TAFA1: variants seen among roughly 807,000 people sequenced by gnomAD.
TAFA1 encodes TAFA chemokine like family member 1, also known as chemokine-like protein TAFA-1.
Under a neutral mutation model 18.5 loss-of-function variants are expected in TAFA1, and 4 were observed. The observed-to-expected ratio is 0.22, with a 90% CI of 0.11 to 0.49. The LOEUF (loss-of-function observed/expected upper bound fraction) is 0.49, where lower values mean the gene tolerates loss of function less well. Among genes scored for constraint, TAFA1 ranks in the 20% least tolerant of loss-of-function variants. The pLI, the probability that TAFA1 is intolerant of heterozygous loss-of-function variation, is 0.98. For synonymous variants in TAFA1, 56 were observed against 55.2 expected, an observed-to-expected ratio of 1.01 and a Z score of -0.06; for missense variants, 147 against 169.0, an observed-to-expected ratio of 0.87 and a Z score of 0.72.
intron 3 of TAFA1, among the ~76,000 whole-genome samples, chr3:68,523,909 C>T (rs1196956798): frequency 3.9e-5 from 6 of 152,118 alleles, no homozygotes; most frequent in East Asian, 1.9e-4. Flanking sequence ...CTTCCTATTT[C>T]GTGCTATACC....
chr3:68,243,557 C>A (rs948207354), intron 2 of TAFA1, among the ~76,000 whole-genome samples: 1 of 152,146 alleles, frequency 6.6e-6, no homozygotes, highest in Non-Finnish European at 1.5e-5. Context: ...ATCGTATATA[C>A]CCTTTTGAGA....
intron 2 of TAFA1, among the ~76,000 whole-genome samples, chr3:68,089,058 G>T (rs1023994928): frequency 6.6e-6 from 1 of 152,076 alleles, no homozygotes; most frequent in Non-Finnish European, 1.5e-5. Context: ...GAGGATGAGT[G>T]GGGGAGGAGA....
intron 2 of TAFA1, among the ~76,000 whole-genome samples, chr3:68,243,134 A>G (rs758957299): frequency 2.0e-5 from 3 of 151,994 alleles, no homozygotes; most frequent in Non-Finnish European, 2.9e-5. Flanking sequence ...TAATCTCTTT[A>G]ACTTTTTATT....
intron 2 of TAFA1, among the ~76,000 whole-genome samples, chr3:68,381,155 C>A (rs1479209458): frequency 6.9e-4 from 96 of 139,848 alleles, no homozygotes; most frequent in Non-Finnish European, 1.1e-3. Flanking sequence ...CAGTACCATG[C>A]TGTTTTGGTT....
Position 68,394,059 on chromosome 3 carries a change from G to A in TAFA1, c.119-23221G>A, listed in dbSNP as rs149702861. On this transcript the variant is annotated intron_variant, in intron 2 of 4. Transcript: ENST00000478136. ...AAATATGCATTTAGAAAACCACATC[G>A]TCTCAATCCAAAAACTCCTTAAGCC... Among the ~76,000 whole-genome samples the A allele has an allele frequency of 3.1e-3, 472 of 151,458 alleles. 4 individuals are homozygous for A. Among genetic ancestry groups the A allele is most frequent in the African/African-American group, 0.01 (431 of 41,422 alleles).
At position 68,276,741 on chromosome 3, in the gene TAFA1, C is replaced by A. The variant is rs377068726; in HGVS notation, c.119-140539C>A. 1.6e-3 allele frequency among the ~76,000 whole-genome samples: 241 copies of A among 152,166 alleles called. 1 individual carries two copies. Among genetic ancestry groups the A allele is most frequent in the African/African-American group, 5.6e-3 (232 of 41,536 alleles). On this transcript the variant is annotated intron_variant, in intron 2 of 4. Coordinates refer to ENST00000478136, the MANE Select transcript of TAFA1 (RefSeq NM_213609.4). ...CTCCTTTATCATCCTGATGGAGGAT[C>A]AGACTAATATCTGTCTTGAGTTTTA...
rs184814108 is a variant in TAFA1, at chr3:68,375,563, C to T, written c.119-41717C>T. ...ATCAAATTTCATGCCTGGGAAAAGT[C>T]AATATCAGATTAACTTATAGATGAT... On this transcript the variant is annotated intron_variant, in intron 2 of 4. Coordinates refer to ENST00000478136, the MANE Select transcript of TAFA1 (RefSeq NM_213609.4). Among the ~76,000 whole-genome samples, 18 of 152,262 alleles carry T rather than the reference C, an allele frequency of 1.2e-4. No individual in the cohort carries two copies. The East Asian group carries it at 3.3e-3, about 28-fold the overall frequency.
At chr3:68,208,986 A>T (rs899651408) in intron 2 of TAFA1, among the ~76,000 whole-genome samples, 1 of 152,050 alleles carries the variant, frequency 6.6e-6, no homozygotes, top group African/African-American at 2.4e-5. Context: ...GCCTTGGAGG[A>T]ACAACTGCCA....
At chr3:68,308,932 A>G (rs1011628052) in intron 2 of TAFA1, among the ~76,000 whole-genome samples, 5 of 152,250 alleles carry the variant, frequency 3.3e-5, no homozygotes, top group African/African-American at 1.2e-4. Flanking sequence ...TACTGCTCCA[A>G]TCTTTATCAC....
At chr3:68,290,608 T>C (rs1177395291) in intron 2 of TAFA1, among the ~76,000 whole-genome samples, 1 of 152,124 alleles carries the variant, frequency 6.6e-6, no homozygotes. Context: ...TGCTACAAGA[T>C]AACAAGCTTT....
chr3:68,447,989 C>T (rs1034178578), intron 3 of TAFA1, among the ~76,000 whole-genome samples: 1 of 152,154 alleles, frequency 6.6e-6, no homozygotes, highest in Non-Finnish European at 1.5e-5. Context: ...AAATAATTTA[C>T]CCACACCACA....
In TAFA1 at chr3:68,289,168, A is replaced by T. The variant is rs571534514; in HGVS notation, c.119-128112A>T. On this transcript the variant is annotated intron_variant, in intron 2 of 4. Coordinates refer to ENST00000478136, the MANE Select transcript of TAFA1 (RefSeq NM_213609.4). ...TATTTATTAGTTTCTGCTTTTTAAT[A>T]CATAGGAATTGTTTATATACAGTCT... Among the ~76,000 whole-genome samples the T allele has an allele frequency of 2.0e-5, 3 of 152,312 alleles. No homozygotes were observed. The South Asian group carries it at 6.2e-4, about 32-fold the overall frequency.
chr3:68,241,934 C>T (rs2067005840), intron 2 of TAFA1, among the ~76,000 whole-genome samples: 1 of 152,168 alleles, frequency 6.6e-6, no homozygotes, highest in Non-Finnish European at 1.5e-5. Flanking sequence ...TGCAAATTAT[C>T]TGAATAGTGC....
chr3:68,208,644 G>A (rs2066555861), intron 2 of TAFA1, among the ~76,000 whole-genome samples: 1 of 151,910 alleles, frequency 6.6e-6, no homozygotes, highest in Non-Finnish European at 1.5e-5. Flanking sequence ...CAGTTGGCCT[G>A]AACAATATTT....
intron 2 of TAFA1, among the ~76,000 whole-genome samples, chr3:68,300,646 C>T (rs1333842364): frequency 6.6e-6 from 1 of 152,094 alleles, no homozygotes; most frequent in Non-Finnish European, 1.5e-5. Flanking sequence ...TATGGTTTGG[C>T]TGCCTCTCCA....
chr3:68,483,795 C>T (rs1325533374), intron 3 of TAFA1, among the ~76,000 whole-genome samples: 2 of 152,174 alleles, frequency 1.3e-5, no homozygotes, highest in African/African-American at 4.8e-5. Flanking sequence ...ATGCCTTTCA[C>T]ATGTTTAAAA....
intron 2 of TAFA1, among the ~76,000 whole-genome samples, chr3:68,028,348 G>A (rs901506467): frequency 3.0e-4 from 45 of 151,906 alleles, no homozygotes; most frequent in Admixed American, 1.1e-3. Context: ...ATATATAGCT[G>A]CATCTATAAT....
At chr3:68,482,950 C>T (rs980663158) in intron 3 of TAFA1, among the ~76,000 whole-genome samples, 8 of 152,312 alleles carry the variant, frequency 5.3e-5, no homozygotes, top group African/African-American at 1.9e-4. Context: ...CTGTTTAATT[C>T]GTGGAGCCAC....
At position 68,073,376 on chromosome 3, in the gene TAFA1, G is replaced by T. The variant is rs1381303929; in HGVS notation, c.118+66632G>T. Among the ~76,000 whole-genome samples, 3 of 152,312 alleles carry T rather than the reference G, an allele frequency of 2.0e-5. No individual in the cohort carries two copies. The East Asian group carries it at 5.8e-4, about 29-fold the overall frequency. ...GCCAGGCCCTAGCAAAGGTCCACAG[G>T]ACTAGAGCAATGGGCTTCTTCAGTG... On this transcript the variant is annotated intron_variant, in intron 2 of 4. Transcript: ENST00000478136.
Sources: allele counts gnomAD v4.1 joint callset (sites outside exome capture counted in the v4.1 genomes callset), GRCh38; gene constraint gnomAD v4.1.1; transcripts MANE v1.5; gene names NCBI Gene and HGNC (gene_info 2026-07-23, HGNC 2026-07-21).